The following TMEM132D variants were observed in gnomAD, a reference collection of about 807,000 sequenced individuals.
TMEM132D encodes transmembrane protein 132D.
A neutral mutation model predicts 62.3 loss-of-function variants in TMEM132D; 21 were observed. The ratio of observed to expected loss-of-function variants is 0.34; its 90% confidence interval spans 0.24 to 0.49. The LOEUF is 0.49. Among genes scored for constraint, TMEM132D ranks in the 20% least tolerant of loss-of-function variants. The pLI is 0.99. For synonymous variants in TMEM132D, 621 were observed against 575.6 expected, an observed-to-expected ratio of 1.08 and a Z score of -1.13; for missense variants, 1,346 against 1,402.8, an observed-to-expected ratio of 0.96 and a Z score of 0.65.
intron 8 of TMEM132D, 76 bp from the exon 9 acceptor site, chr12:129,075,135 C>G (rs1047086263): frequency 6.7e-6 from 8 of 1,202,604 alleles, no homozygotes; most frequent in Non-Finnish European, 9.2e-6. Flanking sequence ...ACAGTAGACA[C>G]ACAACGGCAA....
rs1298556354 is a variant in TMEM132D, at chr12:129,779,274, G to A, written c.80-78576C>T. Among the ~76,000 whole-genome samples the A allele has an allele frequency of 6.6e-6, 1 of 152,180 alleles. No homozygotes were observed. Among genetic ancestry groups the A allele is most frequent in the Non-Finnish European group, 1.5e-5 (1 of 68,028 alleles). ...ACCAGGAAATGAAGCTTTTATTCCA[G>A]CTGGCCATGTGCTCAGTGATTTTTG... On this transcript the variant is annotated intron_variant, in intron 1 of 8. Coordinates refer to ENST00000422113, the MANE Select transcript of TMEM132D (RefSeq NM_133448.3). This position sits in a 1 kb window ranked among gnomAD's most constrained non-coding sequence, Gnocchi z 4.1.
intron 2 of TMEM132D, among the ~76,000 whole-genome samples, chr12:129,567,759 T>C (rs979000351): frequency 2.0e-5 from 3 of 152,138 alleles, no homozygotes; most frequent in South Asian, 2.1e-4. Context: ...TGTATAAATA[T>C]ATATTTTTTA....
intron 3 of TMEM132D, among the ~76,000 whole-genome samples, chr12:129,462,813 T>C (rs1873723922): frequency 6.6e-6 from 1 of 152,178 alleles, no homozygotes; most frequent in Non-Finnish European, 1.5e-5. Context: ...GTTGAGGCAA[T>C]AGAGAATTAA....
At chr12:129,244,410 C>CAAAAAA (rs1305354488) in intron 4 of TMEM132D, among the ~76,000 whole-genome samples, 1 of 122,244 alleles carries the variant, frequency 8.2e-6, no homozygotes, top group Non-Finnish European at 1.7e-5. Context: ...AAAAAAAAAA[C>CAAAAAA]AAACAAAAAG....
intron 5 of TMEM132D, among the ~76,000 whole-genome samples, chr12:129,164,173 G>A (rs1008171141): frequency 2.0e-5 from 3 of 152,204 alleles, no homozygotes; most frequent in African/African-American, 7.2e-5. Context: ...AAGCTGGTGG[G>A]AGATAATCCA....
intron 2 of TMEM132D, among the ~76,000 whole-genome samples, chr12:129,623,666 T>TATATATACACATATATATAC (rs1565926811): frequency 6.0e-5 from 8 of 132,944 alleles, no homozygotes; most frequent in African/African-American, 2.2e-4. Flanking sequence ...TATATATACA[T>TATATATACACATATATATAC]ATATATACAC....
chr12:129,144,826 TATTG>T (rs1388197140), intron 5 of TMEM132D, among the ~76,000 whole-genome samples: 2 of 152,176 alleles, frequency 1.3e-5, no homozygotes, highest in African/African-American at 4.8e-5. Flanking sequence ...TCCAGCTCTC[TATTG>T]ATTATCTATC....
chr12:129,777,355 C>T (rs1010570135), intron 1 of TMEM132D, among the ~76,000 whole-genome samples: 101 of 152,208 alleles, frequency 6.6e-4, no homozygotes, highest in African/African-American at 2.2e-3. Context: ...TTTAAATTAG[C>T]GATTAATCCA....
chr12:129,326,586 C>T (rs964999472), intron 4 of TMEM132D, among the ~76,000 whole-genome samples: 15 of 152,178 alleles, frequency 9.9e-5, no homozygotes, highest in African/African-American at 2.9e-4. Context: ...GGCTGCCTTC[C>T]GGCCCCACAT....
At chr12:129,380,190 T>C (rs1435969263) in intron 3 of TMEM132D, among the ~76,000 whole-genome samples, 2 of 152,180 alleles carry the variant, frequency 1.3e-5, no homozygotes, top group Non-Finnish European at 2.9e-5. Flanking sequence ...GAAACTGCAA[T>C]TAATAAACAC....
Position 129,800,322 on chromosome 12 carries a change from C to T in TMEM132D, c.80-99624G>A, listed in dbSNP as rs560898938. 1.9e-4 allele frequency among the ~76,000 whole-genome samples: 28 copies of T among 149,988 alleles called. 1 individual carries two copies. The Middle Eastern group carries it at 0.014, about 73-fold the overall frequency. ...CCCAAGCTCCTAGCTTAAGGAGGTG[C>T]GGGCAGAGAGTGTCAAAAGGATGAA... On this transcript the variant is annotated intron_variant, in intron 1 of 8. Coordinates refer to ENST00000422113, the MANE Select transcript of TMEM132D (RefSeq NM_133448.3).
chr12:129,810,258 A>T (rs1182654886), intron 1 of TMEM132D, among the ~76,000 whole-genome samples: 2 of 152,060 alleles, frequency 1.3e-5, no homozygotes, highest in Non-Finnish European at 2.9e-5. Context: ...TTGGAAGATT[A>T]AAAAAATCAT....
intron 4 of TMEM132D, among the ~76,000 whole-genome samples, chr12:129,291,440 C>T (rs1881444110): frequency 6.6e-6 from 1 of 152,158 alleles, no homozygotes; most frequent in Non-Finnish European, 1.5e-5. Context: ...TGCAACTCTC[C>T]TGTTTTCTTC....
At chr12:129,276,037 G>A (rs895507210) in intron 4 of TMEM132D, among the ~76,000 whole-genome samples, 3 of 75,366 alleles carry the variant, frequency 4.0e-5, no homozygotes, top group African/African-American at 1.3e-4. Context: ...GCACAGGTTT[G>A]TTTGTTTGTT....
intron 3 of TMEM132D, 90 bp from the exon 4 acceptor site, chr12:129,337,907 C>T (rs1247635040): frequency 1.5e-6 from 2 of 1,347,770 alleles, no homozygotes; most frequent in Non-Finnish European, 2.0e-6. Context: ...GGCCATTTCT[C>T]TATGTACCTC....
At chr12:129,573,657 G>A (rs1478691890) in intron 2 of TMEM132D, among the ~76,000 whole-genome samples, 1 of 151,154 alleles carries the variant, frequency 6.6e-6, no homozygotes, top group Admixed American at 6.6e-5. Flanking sequence ...TATTCATAGT[G>A]ACTTTATTTA....
intron 3 of TMEM132D, among the ~76,000 whole-genome samples, chr12:129,486,476 A>G (rs1874582657): frequency 6.6e-6 from 1 of 152,118 alleles, no homozygotes; most frequent in Non-Finnish European, 1.5e-5. Context: ...CCCAATGAAG[A>G]GGGTGATACT....
At chr12:129,578,837 G>A (rs914953445) in intron 2 of TMEM132D, among the ~76,000 whole-genome samples, 8 of 152,056 alleles carry the variant, frequency 5.3e-5, no homozygotes, top group African/African-American at 1.4e-4. Flanking sequence ...GACCTTCAAC[G>A]GGTTGGAGCA....
At chr12:129,647,502 T>C (rs1030573026) in intron 2 of TMEM132D, among the ~76,000 whole-genome samples, 2 of 152,192 alleles carry the variant, frequency 1.3e-5, no homozygotes, top group African/African-American at 4.8e-5. Flanking sequence ...AAGGCTGCCT[T>C]CTGCTTTGCT....
Sources: gnomAD v4.1 joint callset for allele counts (sites outside exome capture counted in the v4.1 genomes callset) on GRCh38, gnomAD v4.1.1 for gene constraint, Gnocchi (gnomAD v3.1) non-coding constraint, MANE v1.5 for transcripts, NCBI Gene and HGNC (gene_info 2026-07-23, HGNC 2026-07-21) for gene names.